Variants in LIPI observed in about 807,000 individuals in gnomAD.
The protein encoded by LIPI is lipase I, also known as lipase member I.
A neutral mutation model predicts 50.6 loss-of-function variants in LIPI; 59 were observed. The observed-to-expected ratio is 1.16, with a 90% CI of 0.94 to 1.45. The LOEUF is 1.45. LIPI is among the 40% of genes most tolerant of loss of function. LIPI has a pLI of 0.00. For synonymous variants in LIPI, 203 were observed against 178.2 expected (o/e 1.14, Z -1.11); for missense variants, 586 against 536.3 (o/e 1.09, Z -0.92).
intron 9 of LIPI, among the ~76,000 whole-genome samples, chr21:14,112,850 C>T (rs951779245): frequency 9.2e-5 from 14 of 151,800 alleles, no homozygotes; most frequent in African/African-American, 3.4e-4. Flanking sequence ...ATTTTGTTTC[C>T]TGCAATGTAA....
At chr21:14,152,401 T>C (rs1234029319) in intron 8 of LIPI, among the ~76,000 whole-genome samples, 172 bp downstream of exon 8, 1 of 152,182 alleles carries the variant, frequency 6.6e-6, no homozygotes, top group Admixed American at 6.6e-5. Context: ...GTTATCTTTC[T>C]CTGTAAAATA....
intron 4 of LIPI, among the ~76,000 whole-genome samples, chr21:14,170,449 G>T (rs1031417386): frequency 7.2e-5 from 11 of 152,224 alleles, no homozygotes; most frequent in African/African-American, 2.2e-4. Flanking sequence ...GATGAACATT[G>T]ATGCAAAAAT....
At chr21:14,158,201 C>T (rs1178086426) in intron 7 of LIPI, among the ~76,000 whole-genome samples, 1 of 151,682 alleles carries the variant, frequency 6.6e-6, no homozygotes, top group Non-Finnish European at 1.5e-5. Context: ...GAGATCAATG[C>T]TTGACTACTA....
chr21:14,147,502 A>G lies in LIPI; in HGVS notation c.1119-2703T>C, dbSNP rs1412565722. 2.6e-5 allele frequency among the ~76,000 whole-genome samples: 4 copies of G among 152,288 alleles called. No homozygotes were observed. In the East Asian group the frequency reaches 7.7e-4, roughly 29 times the overall value. The stretch of plus-strand genomic sequence containing the variant: ...TAAAAATTGTTTGAATAGTAGAATG[A>G]TGGACATCGTTGTTTTATTTTTATT... On this transcript the variant is annotated intron_variant, in intron 8 of 9. Transcript: ENST00000681601.
chr21:14,189,184 C>T lies in LIPI; in HGVS notation c.282G>A (p.Gln94=). The T allele has an allele frequency of 6.2e-7, 1 of 1,614,136 alleles. No individual in the cohort carries two copies. The highest frequency in any genetic ancestry group is 8.5e-7 in the Non-Finnish European group (1 of 1,180,002). ...RPVGSIPLWL[Q]NFVRILLNEE... The stretch of plus-strand genomic sequence containing the variant: ...CATTCAGCAAAATCCTTACGAAGTT[C>T]TGAAGCCATAATGGGATGGAGCCTA... Residue 94 remains glutamine (Q), a synonymous_variant, in exon 2 of 10, where the codon CAG becomes CAA. Coordinates refer to ENST00000681601, the MANE Select transcript of LIPI (RefSeq NM_001302998.2).
At chr21:14,175,551 A>T (rs896919814) in intron 4 of LIPI, among the ~76,000 whole-genome samples, 1 of 152,098 alleles carries the variant, frequency 6.6e-6, no homozygotes, top group Admixed American at 6.5e-5. Context: ...ATATAATCTG[A>T]CATTTTAATC....
At chr21:14,112,465 A>G (rs373258002) in intron 9 of LIPI, among the ~76,000 whole-genome samples, 20 of 152,164 alleles carry the variant, frequency 1.3e-4, no homozygotes, top group African/African-American at 4.8e-4. Context: ...CCTCCAAGCT[A>G]CAAACATGGG....
chr21:14,166,718 T>C (rs924383012), intron 4 of LIPI, among the ~76,000 whole-genome samples: 1 of 151,946 alleles, frequency 6.6e-6, no homozygotes, highest in African/African-American at 2.4e-5. Flanking sequence ...AAAAAAGAAA[T>C]AGAGAGGGCA....
chr21:14,154,885 A>G (rs192248714), intron 7 of LIPI, among the ~76,000 whole-genome samples: 153 of 152,078 alleles, frequency 1.0e-3, no homozygotes, highest in Non-Finnish European at 1.2e-3. Context: ...CACAAGAGAT[A>G]CAATGTCCAA....
At chr21:14,169,387 C>A (rs1390371849) in intron 4 of LIPI, among the ~76,000 whole-genome samples, 1 of 152,116 alleles carries the variant, frequency 6.6e-6, no homozygotes, top group Admixed American at 6.5e-5. Context: ...CAGAACTCTC[C>A]ACCCCAAATC....
chr21:14,130,707 G>A (rs770415224), intron 9 of LIPI, among the ~76,000 whole-genome samples: 1 of 152,212 alleles, frequency 6.6e-6, no homozygotes, highest in Non-Finnish European at 1.5e-5. Context: ...CCAGCCAGAG[G>A]AGGGATGGAG....
chr21:14,181,501 T>C (rs2019268592), intron 4 of LIPI, among the ~76,000 whole-genome samples: 1 of 152,138 alleles, frequency 6.6e-6, no homozygotes, highest in African/African-American at 2.4e-5. Flanking sequence ...CTCTTAGTTA[T>C]CTATTTCAGT....
intron 1 of LIPI, among the ~76,000 whole-genome samples, chr21:14,206,542 A>C (rs1168741008): frequency 6.6e-6 from 1 of 151,998 alleles, no homozygotes; most frequent in African/African-American, 2.4e-5. Flanking sequence ...AGCCATAAAA[A>C]GCTACAATCC....
intron 8 of LIPI, among the ~76,000 whole-genome samples, chr21:14,146,770 C>CTCTTT (rs1308738575): frequency 1.5e-5 from 1 of 64,870 alleles, no homozygotes; most frequent in Non-Finnish European, 2.9e-5. Context: ...TTCCCAGTCT[C>CTCTTT]TATTTTTTTT....
intron 3 of LIPI, 36 bp downstream of exon 3, chr21:14,185,925 T>C: frequency 8.4e-7 from 1 of 1,186,224 alleles, no homozygotes; most frequent in Non-Finnish European, 1.2e-6. Context: ...TACTTAAAAG[T>C]ATGCTAAAGC....
chr21:14,112,220 T>C (rs577861333), intron 9 of LIPI, among the ~76,000 whole-genome samples: 6 of 152,304 alleles, frequency 3.9e-5, no homozygotes, highest in East Asian at 1.9e-4. Context: ...GCCAGTATTA[T>C]ACTACTTTGG....
chr21:14,109,054 A>G lies in LIPI; in HGVS notation c.1322T>C (p.Val441Ala), dbSNP rs765786018. 1 of 1,596,014 alleles carries G rather than the reference A, an allele frequency of 6.3e-7. No homozygotes were observed. The highest frequency in any genetic ancestry group is 2.2e-5 in the East Asian group (1 of 44,640). The change falls in exon 10 of 10, where the codon GTA becomes GCA. Residue 441 changes from valine (V) to alanine (A), a missense_variant. Physicochemically the swap from Val to Ala is moderately conservative, Grantham distance 64 (BLOSUM62 0). Transcript: ENST00000681601. ...ERPPLCRYNI[V>A]LKDREEVFLN... ...AAACACTTCCTCTCTGTCTTTAAGT[A>G]CAATATTATACCTGCAAAGTGGTGG... is the stretch of plus-strand genomic sequence containing the variant.
intron 9 of LIPI, among the ~76,000 whole-genome samples, chr21:14,123,190 G>T (rs190847847): frequency 5.2e-4 from 79 of 152,342 alleles, no homozygotes; most frequent in South Asian, 5.0e-3. Flanking sequence ...TGCATAGCAT[G>T]ATAGGAAAAG....
At chr21:14,123,221 G>C (rs1307434113) in intron 9 of LIPI, among the ~76,000 whole-genome samples, 1 of 152,226 alleles carries the variant, frequency 6.6e-6, no homozygotes, top group Non-Finnish European at 1.5e-5. Flanking sequence ...TCCCGTAGGA[G>C]ATACAACCTG....
Sources: allele counts gnomAD v4.1 joint callset (sites outside exome capture counted in the v4.1 genomes callset), GRCh38; gene constraint gnomAD v4.1.1; transcripts MANE v1.5; gene names NCBI Gene and HGNC (gene_info 2026-07-23, HGNC 2026-07-21).